The following ERG variants were observed in gnomAD, a reference collection of about 807,000 sequenced individuals.
ERG encodes transcriptional regulator ERG.
ERG carries 9 observed loss-of-function variants against 55.3 expected under a neutral mutation model. That is an observed-to-expected ratio of 0.16 (90% confidence interval 0.10 to 0.28). The LOEUF (loss-of-function observed/expected upper bound fraction) is 0.28. Among genes scored for constraint, ERG ranks in the 10% least tolerant of loss-of-function variants. The pLI, the probability that ERG is intolerant of heterozygous loss-of-function variation, is 1.00. For missense variants in ERG, 434 were observed against 631.6 expected (o/e 0.69, Z 3.35); for synonymous variants, 223 against 237.3 (o/e 0.94, Z 0.55).
chr21:38,425,430 A>G (rs998588116), intron 2 of ERG, among the ~76,000 whole-genome samples: 1 of 152,036 alleles, frequency 6.6e-6, no homozygotes, highest in Admixed American at 6.6e-5. Context: ...AGAGAAAGAG[A>G]GAGAAAGAAA....
At position 38,569,241 on chromosome 21, in the gene ERG, C is replaced by A. The variant is rs185677919; in HGVS notation, c.-41+6421G>T. On this transcript the variant is annotated intron_variant, in intron 2 of 8. Transcript: ENST00000398897. ...GTTGAATGAATAAACGAGCCCAAGT[C>A]AGAAGCAGTCTCCAAATCATTCCTC... 2.0e-5 allele frequency among the ~76,000 whole-genome samples: 3 copies of A among 152,348 alleles called. No homozygotes were observed. In the East Asian group the frequency reaches 5.8e-4, roughly 29 times the overall value.
Position 38,633,353 on chromosome 21 carries a change from G to T in ERG, c.-150+28305C>A, listed in dbSNP as rs950468166. Among the ~76,000 whole-genome samples the T allele has an allele frequency of 3.9e-5, 6 of 152,226 alleles. No individual in the cohort carries two copies. In the East Asian group the frequency reaches 1.2e-3, roughly 29 times the overall value. ...ACTACTGAACTCTACACTTAAATAT[G>T]ATTAAGATGGTAACTTTCATGTTAT... On this transcript the variant is annotated intron_variant, in intron 1 of 10. Transcript: ENST00000398910.
intron 1 of ERG, among the ~76,000 whole-genome samples, chr21:38,477,217 T>C (rs1011864279): frequency 5.3e-5 from 8 of 152,156 alleles, no homozygotes; most frequent in African/African-American, 1.7e-4. Flanking sequence ...TTTCACCATG[T>C]TGGCTAGGTT....
chr21:38,381,534 A>G lies in ERG; in HGVS notation c.*1869T>C. 1 of 1,064,194 alleles carries G rather than the reference A, an allele frequency of 9.4e-7. No individual in the cohort carries two copies. The highest frequency in any genetic ancestry group is 1.1e-6 in the Non-Finnish European group (1 of 878,616). The allele number at this position is 1,064,194 out of a possible 1,614,324, so 65.9% of individuals were successfully genotyped here. A position where few individuals can be genotyped will look rare whatever the true frequency, so the allele number is the denominator to read the frequency against. ...ACCTAGTGAGAGCTCCTGAAAGAGA[A>G]ACCCCGCAGCAAATCTAGACGTTAT... On this transcript the variant is annotated 3_prime_UTR_variant, in exon 10 of 10. Coordinates refer to ENST00000288319, the MANE Select transcript of ERG (RefSeq NM_182918.4).
At chr21:38,369,591 G>T in the ERG span, among the ~76,000 whole-genome samples, 1 of 152,138 alleles carries the variant, frequency 6.6e-6, no homozygotes, top group African/African-American at 2.4e-5. Flanking sequence ...TTACTCTGTT[G>T]ATAGTTTATT....
In ERG at chr21:38,451,589, A is replaced by G. The variant is rs530570684; in HGVS notation, c.19-5968T>C. ...GGAAATCTATCTATTAGGCTGTCGC[A>G]GGCTCTATTGTTTATAGTTTCTCTT... On this transcript the variant is annotated intron_variant, in intron 1 of 9. Transcript: ENST00000288319. 2.0e-5 allele frequency among the ~76,000 whole-genome samples: 3 copies of G among 152,318 alleles called. No homozygotes were observed. The East Asian group carries it at 5.8e-4, about 29-fold the overall frequency.
chr21:38,538,588 G>T (rs2059728598), intron 2 of ERG, among the ~76,000 whole-genome samples: 1 of 152,138 alleles, frequency 6.6e-6, no homozygotes, highest in African/African-American at 2.4e-5. Context: ...TATCTAGCCA[G>T]AATTTGTCCC....
chr21:38,379,393 C>T (rs1413101027), downstream of ERG, among the ~76,000 whole-genome samples: 2 of 152,372 alleles, frequency 1.3e-5, no homozygotes, highest in East Asian at 3.9e-4. Flanking sequence ...CTTGTAACAT[C>T]TCCAGATTGT....
chr21:38,471,912 AAC>A (rs1286602864), intron 1 of ERG: 2 of 152,200 alleles, frequency 1.3e-5, no homozygotes, highest in Non-Finnish European at 2.9e-5. Context: ...CAATGTCCAA[AAC>A]ACACCTCAGA....
At chr21:38,651,494 A>C (rs2060488519) in intron 1 of ERG, among the ~76,000 whole-genome samples, 2 of 152,236 alleles carry the variant, frequency 1.3e-5, no homozygotes. Flanking sequence ...GATTTTGAAG[A>C]TTTCATATAG....
intron 1 of ERG, among the ~76,000 whole-genome samples, chr21:38,612,897 G>A (rs1232965418): frequency 6.6e-6 from 1 of 152,084 alleles, no homozygotes; most frequent in African/African-American, 2.4e-5. Flanking sequence ...TCCTGACCTC[G>A]TGATCCACCC....
At chr21:38,429,290 A>C (rs918235231) in intron 2 of ERG, among the ~76,000 whole-genome samples, 1 of 151,888 alleles carries the variant, frequency 6.6e-6, no homozygotes, top group Non-Finnish European at 1.5e-5. Flanking sequence ...ACATATACCC[A>C]CACATATACA....
chr21:38,596,896 C>T (rs1401950258), intron 1 of ERG, among the ~76,000 whole-genome samples: 3 of 146,996 alleles, frequency 2.0e-5, no homozygotes, highest in African/African-American at 4.9e-5. Flanking sequence ...GACATCACAC[C>T]ACCCACCTTC....
intron 1 of ERG, among the ~76,000 whole-genome samples, chr21:38,455,694 G>T (rs2058981736): frequency 6.6e-6 from 1 of 152,044 alleles, no homozygotes; most frequent in Non-Finnish European, 1.5e-5. Flanking sequence ...GCAAGCAAAA[G>T]ATAGGGGCAG....
intron 1 of ERG, among the ~76,000 whole-genome samples, chr21:38,615,487 A>C (rs2060253260): frequency 6.6e-6 from 1 of 151,932 alleles, no homozygotes; most frequent in African/African-American, 2.4e-5. Flanking sequence ...GCAGTAAAGC[A>C]AAAAGGGTAG....
At chr21:38,607,661 CAA>C (rs891234622) in intron 1 of ERG, among the ~76,000 whole-genome samples, 10 of 151,818 alleles carry the variant, frequency 6.6e-5, no homozygotes, top group African/African-American at 2.4e-4. Context: ...CAAAGGTAAA[CAA>C]AGACAATTAT....
chr21:38,603,877 T>C (rs2060179886), intron 1 of ERG, among the ~76,000 whole-genome samples: 4 of 151,974 alleles, frequency 2.6e-5, no homozygotes, highest in Admixed American at 2.6e-4. Flanking sequence ...GAAATGCTGA[T>C]GAAATTAGAG....
intron 1 of ERG, among the ~76,000 whole-genome samples, chr21:38,472,290 C>A (rs1044669932): frequency 2.0e-5 from 3 of 152,156 alleles, no homozygotes; most frequent in African/African-American, 7.2e-5. Flanking sequence ...ATACTGCATG[C>A]CAGCACTCTA....
At chr21:38,418,281 G>GTGTGTGTGTC (rs1555895858) in intron 3 of ERG, among the ~76,000 whole-genome samples, 1 of 150,676 alleles carries the variant, frequency 6.6e-6, no homozygotes, top group South Asian at 2.1e-4. Flanking sequence ...GTGTGTGTGT[G>GTGTGTGTGTC]TGTGTGTGTG....
Sources: gnomAD v4.1 joint callset for allele counts (sites outside exome capture counted in the v4.1 genomes callset) on GRCh38, gnomAD v4.1.1 for gene constraint, MANE v1.5 for transcripts, NCBI Gene and HGNC (gene_info 2026-07-23, HGNC 2026-07-21) for gene names.